CSTPP1: variants seen among roughly 807,000 people sequenced by gnomAD.
CSTPP1 encodes centriolar satellite-associated tubulin polyglutamylase complex regulator 1.
At chr11:46,984,168 T>C in the CSTPP1 span, among the ~76,000 whole-genome samples, 12 of 152,190 alleles carry the variant, frequency 7.9e-5, no homozygotes, top group Admixed American at 4.6e-4. Context: ...TAAAGATAAT[T>C]TTTACTTCCA....
the CSTPP1 span, among the ~76,000 whole-genome samples, chr11:46,976,393 TCA>T: frequency 0.11 from 16,372 of 148,628 alleles, 1,995 homozygotes; most frequent in African/African-American, 0.31. Flanking sequence ...TAGGTTTCAG[TCA>T]CACACACACA....
chr11:47,036,897 TCTCGAA>T, the CSTPP1 span, among the ~76,000 whole-genome samples: 2 of 125,658 alleles, frequency 1.6e-5, 1 homozygote, highest in Non-Finnish European at 3.8e-5. Flanking sequence ...GCCAGGCTGG[TCTCGAA>T]CTCCTGACCT....
At chr11:46,946,087 A>G in the CSTPP1 span, among the ~76,000 whole-genome samples, 23 of 151,458 alleles carry the variant, frequency 1.5e-4, no homozygotes, top group African/African-American at 5.6e-4. Flanking sequence ...TGTTGGGGGG[A>G]AAAAAGAGCC....
At chr11:46,959,929 C>T in the CSTPP1 span, among the ~76,000 whole-genome samples, 3 of 145,366 alleles carry the variant, frequency 2.1e-5, no homozygotes, top group Admixed American at 1.4e-4. Context: ...TGCAATGGTG[C>T]GATTTCGGCT....
chr11:46,939,976 T>C, the CSTPP1 span, among the ~76,000 whole-genome samples: 3 of 152,230 alleles, frequency 2.0e-5, 1 homozygote, highest in South Asian at 6.2e-4. Flanking sequence ...GTTCAAGCCA[T>C]TCTCCTGCCC....
the CSTPP1 span, among the ~76,000 whole-genome samples, chr11:47,009,883 T>C: frequency 6.6e-6 from 1 of 152,164 alleles, no homozygotes; most frequent in African/African-American, 2.4e-5. Context: ...AGAAACTCAT[T>C]GTTTGGTCTT....
At chr11:47,012,418 A>G in the CSTPP1 span, among the ~76,000 whole-genome samples, 2 of 152,212 alleles carry the variant, frequency 1.3e-5, no homozygotes, top group Non-Finnish European at 2.9e-5. Flanking sequence ...TAAAAAGTAT[A>G]TTCTTGATTA....
At chr11:46,977,133 G>A in the CSTPP1 span, among the ~76,000 whole-genome samples, 1 of 152,212 alleles carries the variant, frequency 6.6e-6, no homozygotes, top group South Asian at 2.1e-4. Flanking sequence ...TTGCCTGGCA[G>A]CACGTGTCCC....
chr11:47,069,774 T>A, the CSTPP1 span, among the ~76,000 whole-genome samples: 85 of 152,238 alleles, frequency 5.6e-4, no homozygotes, highest in Non-Finnish European at 4.7e-4. Flanking sequence ...AGTGGCACGA[T>A]CTCACTCACT....
the CSTPP1 span, among the ~76,000 whole-genome samples, chr11:47,068,820 T>C: frequency 5.3e-5 from 8 of 152,286 alleles, no homozygotes; most frequent in Non-Finnish European, 7.4e-5. Flanking sequence ...ACAACATCTG[T>C]CTTCTCATCC....
the CSTPP1 span, among the ~76,000 whole-genome samples, chr11:46,971,157 G>A: frequency 6.6e-6 from 1 of 152,174 alleles, no homozygotes; most frequent in South Asian, 2.1e-4. Context: ...GCATAAGAGG[G>A]CGCTTATCCT....
At chr11:47,073,424 T>G in the CSTPP1 span, among the ~76,000 whole-genome samples, 1 of 152,202 alleles carries the variant, frequency 6.6e-6, no homozygotes, top group Non-Finnish European at 1.5e-5. Flanking sequence ...CTGGGTGCAG[T>G]GACTCATGCC....
At chr11:47,084,469 G>T in the CSTPP1 span, among the ~76,000 whole-genome samples, 1 of 152,006 alleles carries the variant, frequency 6.6e-6, no homozygotes, top group Non-Finnish European at 1.5e-5. Flanking sequence ...CTACCCTAAG[G>T]CTGTGACAGT....
chr11:47,034,118 AAATAAAAAAAT>A, the CSTPP1 span, among the ~76,000 whole-genome samples: 1 of 151,226 alleles, frequency 6.6e-6, no homozygotes, highest in African/African-American at 2.4e-5. Flanking sequence ...ATATATATAA[AAATAAAAAAAT>A]AAAAATAAAA....
At chr11:47,045,810 G>A in the CSTPP1 span, among the ~76,000 whole-genome samples, 1 of 151,214 alleles carries the variant, frequency 6.6e-6, no homozygotes, top group African/African-American at 2.4e-5. Context: ...TTTTTGAGAT[G>A]GAGTCTCACT....
chr11:47,094,060 C>G, the CSTPP1 span, among the ~76,000 whole-genome samples: 1 of 152,002 alleles, frequency 6.6e-6, no homozygotes, highest in Non-Finnish European at 1.5e-5. Context: ...TAGGTCCAGC[C>G]GGTGGAAGTT....
chr11:47,130,441 C>T, the CSTPP1 span, among the ~76,000 whole-genome samples: 4 of 152,160 alleles, frequency 2.6e-5, no homozygotes, highest in African/African-American at 9.7e-5. Flanking sequence ...CCCATTCAGT[C>T]AACTAATTAT....
At chr11:46,942,037 T>C in the CSTPP1 span, among the ~76,000 whole-genome samples, 2 of 152,238 alleles carry the variant, frequency 1.3e-5, no homozygotes, top group South Asian at 2.1e-4. Context: ...TTTTATCATG[T>C]TGGGTAAACT....
At chr11:47,118,269 G>A in the CSTPP1 span, among the ~76,000 whole-genome samples, 2 of 152,248 alleles carry the variant, frequency 1.3e-5, no homozygotes, top group Non-Finnish European at 2.9e-5. Flanking sequence ...CATGCGTCAC[G>A]AAGTTCTTGT....
Sources: gnomAD v4.1 joint callset for allele counts (sites outside exome capture counted in the v4.1 genomes callset) on GRCh38, gnomAD v4.1.1 for gene constraint, MANE v1.5 for transcripts, NCBI Gene and HGNC (gene_info 2026-07-23, HGNC 2026-07-21) for gene names.